Variants in MYO1H observed in about 807,000 individuals in gnomAD.
MYO1H encodes unconventional myosin-Ih.
A neutral mutation model predicts 149.3 loss-of-function variants in MYO1H; 118 were observed. The ratio of observed to expected loss-of-function variants is 0.79; its 90% confidence interval spans 0.68 to 0.92. The LOEUF (loss-of-function observed/expected upper bound fraction) is 0.92. MYO1H is among the 40% of genes least tolerant of loss of function. The pLI is 0.00. For missense variants in MYO1H, 1,212 were observed against 1,280.7 expected (o/e 0.95, Z 0.82); for synonymous variants, 447 against 465.2 (o/e 0.96, Z 0.50).
chr12:109,415,092 G>A (rs1264993490), intron 14 of MYO1H, among the ~76,000 whole-genome samples: 2 of 152,124 alleles, frequency 1.3e-5, no homozygotes, highest in African/African-American at 4.8e-5. Flanking sequence ...CCTGTGTGGT[G>A]GCTTTCAATG....
chr12:109,417,938 C>G (rs929750713), intron 15 of MYO1H, among the ~76,000 whole-genome samples: 1 of 151,896 alleles, frequency 6.6e-6, no homozygotes, highest in East Asian at 1.9e-4. Flanking sequence ...GCCTCAGCCT[C>G]CCGAGTAGCT....
chr12:109,359,814 G>A (rs754749516), intron 1 of MYO1H, among the ~76,000 whole-genome samples: 2 of 152,216 alleles, frequency 1.3e-5, no homozygotes, highest in Non-Finnish European at 2.9e-5. Context: ...TCCCAAATGG[G>A]AATCAAAGGG....
intron 5 of MYO1H, among the ~76,000 whole-genome samples, chr12:109,398,131 G>A (rs953807177): frequency 6.6e-6 from 1 of 152,250 alleles, no homozygotes; most frequent in African/African-American, 2.4e-5. Flanking sequence ...GGTTGTACCA[G>A]AGATATGATG....
At chr12:109,408,494 T>G (rs1445223544) in intron 10 of MYO1H, among the ~76,000 whole-genome samples, 1 of 152,170 alleles carries the variant, frequency 6.6e-6, no homozygotes, top group African/African-American at 2.4e-5. Context: ...CAGTAATATA[T>G]TCACCTGACA....
At chr12:109,407,646 G>T in intron 9 of MYO1H, 148 bp from the exon 10 acceptor site, 4 of 603,880 alleles carry the variant, frequency 6.6e-6, no homozygotes, top group Non-Finnish European at 1.0e-5. Flanking sequence ...GTGGGCACCT[G>T]TAGTCCCAGC....
chr12:109,412,953 T>TTTGTTGTTGTTGTTGTTG (rs79763914), intron 14 of MYO1H, among the ~76,000 whole-genome samples: 41 of 147,088 alleles, frequency 2.8e-4, no homozygotes, highest in African/African-American at 9.7e-4. Context: ...GCCCGGCTAA[T>TTTGTTGTTGTTGTTGTTG]TTGTTGTTGT....
At chr12:109,317,211 T>G in the MYO1H span, among the ~76,000 whole-genome samples, 1 of 152,224 alleles carries the variant, frequency 6.6e-6, no homozygotes, top group Non-Finnish European at 1.5e-5. Context: ...ATGTTGAGAA[T>G]GAAAATGGCA....
Position 109,433,028 on chromosome 12 carries a change from CACCAA to C in MYO1H, c.2063+20_2063+24del. Reference sequence around the variant, plus strand: ...TTAGGCAAGTAAGTGACCAGAAGACCACCAAATGGTCTCTTCCCTTGACATCAAAG... The same window carrying C: ...TTAGGCAAGTAAGTGACCAGAAGACCATGGTCTCTTCCCTTGACATCAAAG... On this transcript the variant is annotated intron_variant, in intron 20 of 31. Coordinates refer to ENST00000310903, the Ensembl canonical transcript of MYO1H. The C allele has an allele frequency of 6.3e-7, 1 of 1,590,650 alleles. No homozygotes were observed. The highest frequency in any genetic ancestry group is 8.6e-7 in the Non-Finnish European group (1 of 1,158,670).
the MYO1H span, among the ~76,000 whole-genome samples, chr12:109,335,969 A>G: frequency 7.9e-5 from 12 of 151,940 alleles, no homozygotes; most frequent in East Asian, 1.9e-4. Context: ...TCATCCTTTC[A>G]TCTTCAATCC....
chr12:109,368,471 C>T (rs138852867), intron 1 of MYO1H, among the ~76,000 whole-genome samples: 13 of 152,086 alleles, frequency 8.5e-5, no homozygotes, highest in East Asian at 3.9e-4. Context: ...TCCTGGGCAA[C>T]GTGGTGAAAC....
chr12:109,403,862 T>A (rs1870265752), intron 6 of MYO1H, 120 bp from the exon 7 acceptor site: 1 of 611,442 alleles, frequency 1.6e-6, no homozygotes, highest in Non-Finnish European at 2.9e-6. Flanking sequence ...GTAAAACCTA[T>A]TTTTGATTCG....
intron 19 of MYO1H, among the ~76,000 whole-genome samples, chr12:109,430,545 A>T (rs926604087): frequency 6.6e-6 from 1 of 152,184 alleles, no homozygotes; most frequent in Non-Finnish European, 1.5e-5. Flanking sequence ...GGAAGCACAC[A>T]TCCTGCACCT....
intron 14 of MYO1H, among the ~76,000 whole-genome samples, chr12:109,412,637 C>T (rs1870723544): frequency 6.6e-6 from 1 of 151,854 alleles, no homozygotes. Flanking sequence ...CCTGTGTAAC[C>T]ACCATGCGGA....
intron 1 of MYO1H, among the ~76,000 whole-genome samples, chr12:109,360,601 G>A (rs1868722995): frequency 1.3e-5 from 2 of 152,146 alleles, no homozygotes; most frequent in Admixed American, 1.3e-4. Context: ...GTAGAGAGTA[G>A]GTGTGTTTGT....
At chr12:109,314,585 C>T in the MYO1H span, among the ~76,000 whole-genome samples, 6 of 152,176 alleles carry the variant, frequency 3.9e-5, no homozygotes, top group Non-Finnish European at 5.9e-5. Flanking sequence ...AAAGCTGTCC[C>T]TCCCCTAGTC....
chr12:109,435,600 C>T (rs1280726756), intron 21 of MYO1H, among the ~76,000 whole-genome samples: 1 of 152,212 alleles, frequency 6.6e-6, no homozygotes, highest in Non-Finnish European at 1.5e-5. Flanking sequence ...CTGTCAAGAA[C>T]TACGCTTGAG....
upstream of MYO1H, among the ~76,000 whole-genome samples, chr12:109,345,889 C>T (rs2136988780): frequency 6.6e-6 from 1 of 152,212 alleles, no homozygotes; most frequent in South Asian, 2.1e-4. Flanking sequence ...ATGAAATGTC[C>T]ATGATAGGCC....
chr12:109,369,319 T>C (rs909348461), intron 1 of MYO1H, among the ~76,000 whole-genome samples: 2 of 152,178 alleles, frequency 1.3e-5, no homozygotes, highest in African/African-American at 4.8e-5. Flanking sequence ...TCCAAGAGAA[T>C]ATATTGCTAA....
chr12:109,356,181 C>A (rs1868592615), intron 1 of MYO1H, among the ~76,000 whole-genome samples: 1 of 152,116 alleles, frequency 6.6e-6, no homozygotes, highest in African/African-American at 2.4e-5. Context: ...CCAAGGGACT[C>A]AGACTGAGAT....
Sources: gnomAD v4.1 joint callset for allele counts (sites outside exome capture counted in the v4.1 genomes callset) on GRCh38, gnomAD v4.1.1 for gene constraint, MANE v1.5 for transcripts, NCBI Gene and HGNC (gene_info 2026-07-23, HGNC 2026-07-21) for gene names.